PHEX: variants seen among roughly 807,000 people sequenced by gnomAD.
PHEX encodes the protein phosphate regulating endopeptidase X-linked.
A neutral mutation model predicts 68.0 loss-of-function variants in PHEX; 16 were observed. That is an observed-to-expected ratio of 0.24 (90% CI 0.16 to 0.36). PHEX has a LOEUF of 0.36. Ranked by LOEUF, PHEX falls within the 10% of genes least tolerant of loss-of-function variation. The probability of loss-of-function intolerance (pLI) is 1.00; values close to 1 mark genes in which losing one functional copy is unlikely to be tolerated. For missense variants in PHEX, 480 were observed against 575.5 expected (o/e 0.83, Z 1.70); for synonymous variants, 208 against 205.1 (o/e 1.01, Z -0.12).
intron 20 of PHEX, among the ~76,000 whole-genome samples, chrX:22,234,620 C>CA (rs1230367742): frequency 2.7e-5 from 3 of 109,847 alleles, no homozygotes; most frequent in Non-Finnish European, 5.7e-5. Context: ...CTTCCCCCCC[C>CA]AAGCTCAAGT....
intron 2 of PHEX, among the ~76,000 whole-genome samples, chrX:22,041,589 G>C (rs1482262109): frequency 9.1e-6 from 1 of 109,886 alleles, no homozygotes; most frequent in Non-Finnish European, 1.9e-5. Flanking sequence ...CCTGCTCCAG[G>C]CTTGAGTAGT....
chrX:22,188,024 G>C (rs1363506804), intron 14 of PHEX, among the ~76,000 whole-genome samples: 1 of 111,718 alleles, frequency 9.0e-6, no homozygotes, highest in Non-Finnish European at 1.9e-5. Flanking sequence ...TTAGGACATA[G>C]TAAGTGCTCA....
chrX:22,138,547 CTT>C (rs1491419073), intron 12 of PHEX, among the ~76,000 whole-genome samples: 1 of 111,855 alleles, frequency 8.9e-6, no homozygotes, highest in Admixed American at 9.4e-5. Flanking sequence ...CCCTTTCTCT[CTT>C]CCTCTGTGGT....
chrX:22,177,410 G>T (rs181621356), intron 13 of PHEX, among the ~76,000 whole-genome samples: 13 of 111,204 alleles, frequency 1.2e-4, no homozygotes, highest in African/African-American at 4.2e-4. Context: ...AGCATTGGAG[G>T]TCACTACAAA....
intron 12 of PHEX, among the ~76,000 whole-genome samples, chrX:22,159,474 C>T (rs774687867): frequency 3.0e-4 from 33 of 110,634 alleles, no homozygotes; most frequent in Non-Finnish European, 5.7e-4. Context: ...AGTGAGACCT[C>T]GTTCTCCACA....
chrX:22,215,988 AGC>A (rs1353106082), intron 16 of PHEX, among the ~76,000 whole-genome samples: 1 of 111,846 alleles, frequency 8.9e-6, no homozygotes. Flanking sequence ...AATAGATGGG[AGC>A]CATAGAAAAG....
intron 20 of PHEX, among the ~76,000 whole-genome samples, chrX:22,236,391 C>CCTAT (rs373637308): frequency 4.6e-3 from 521 of 112,950 alleles, no homozygotes; most frequent in African/African-American, 0.016. Context: ...CCTTACACTT[C>CCTAT]CTATCTCCAT....
chrX:22,108,048 C>G (rs930280775), intron 9 of PHEX, among the ~76,000 whole-genome samples: 2 of 111,551 alleles, frequency 1.8e-5, no homozygotes, highest in African/African-American at 6.5e-5. Context: ...CTTTACGTTC[C>G]TCATGGCATC....
At chrX:22,153,904 G>A (rs1346035797) in intron 12 of PHEX, among the ~76,000 whole-genome samples, 1 of 111,577 alleles carries the variant, frequency 9.0e-6, no homozygotes, top group Admixed American at 9.5e-5. Context: ...TAGATTTTGC[G>A]AAGTTACTGA....
Position 22,249,454 on chromosome X carries a change from AAATATATAT to A in PHEX, c.*1503_*1511del, listed in dbSNP as rs1359760672. 1.4e-3 allele frequency: 61 copies of A among 43,066 alleles called. 2 individuals are homozygous for A. The highest frequency in any genetic ancestry group is 4.9e-3 in the South Asian group (4 of 817). The allele number at this position is 43,066 out of a possible 1,213,427, so 3.5% of individuals were successfully genotyped here. A position where few individuals can be genotyped will look rare whatever the true frequency, so the allele number is the denominator to read the frequency against. On this transcript the variant is annotated 3_prime_UTR_variant, in exon 22 of 22. Coordinates refer to ENST00000379374, the MANE Select transcript of PHEX (RefSeq NM_000444.6). ...TTTGTGATTCTTTTAAAAAAAAAAAAAATATATATATATATATATATATATATATATATG... is the reference window on the plus strand; with the variant it reads ...TTTGTGATTCTTTTAAAAAAAAAAAAATATATATATATATATATATATATG...
At chrX:22,138,395 A>G (rs1012850475) in intron 12 of PHEX, among the ~76,000 whole-genome samples, 4 of 112,656 alleles carry the variant, frequency 3.6e-5, no homozygotes, top group African/African-American at 1.3e-4. Flanking sequence ...TCAGGCTCCT[A>G]GGAGAGAACA....
At chrX:22,171,559 T>C (rs948792206) in intron 13 of PHEX, 2 of 109,901 alleles carry the variant, frequency 1.8e-5, no homozygotes, top group African/African-American at 6.6e-5. Flanking sequence ...TAAGTGATGG[T>C]ACCATCACCT....
intron 13 of PHEX, among the ~76,000 whole-genome samples, chrX:22,169,432 T>A (rs1244868924): frequency 8.9e-6 from 1 of 112,477 alleles, no homozygotes; most frequent in East Asian, 2.8e-4. Context: ...GACATATTCA[T>A]GTACATTATC....
intron 20 of PHEX, among the ~76,000 whole-genome samples, chrX:22,236,049 G>C (rs1228181422): frequency 9.0e-6 from 1 of 111,496 alleles, no homozygotes; most frequent in African/African-American, 3.3e-5. Flanking sequence ...CTCAGCCTTA[G>C]TGGGGCAAGT....
chrX:22,079,694 CT>C (rs1453301342), intron 5 of PHEX, among the ~76,000 whole-genome samples: 1 of 111,258 alleles, frequency 9.0e-6, no homozygotes, highest in African/African-American at 3.3e-5. Context: ...AGGGATCCCC[CT>C]ATTTTTGTTT....
chrX:22,099,137 G>A lies in PHEX; in HGVS notation c.1065G>A (p.Gly355=). ...QYFKDLFRIL[G]SERKKTIANY... is the part of the protein sequence containing the mutation. ...TTAAAGATTTGTTTAGGATATTAGG[G>A]TCTGAGAGAAAGAAGTAAGAACTTT... Residue 355 remains glycine (G), a synonymous_variant, in exon 9 of 22, where the codon GGG becomes GGA. Coordinates refer to ENST00000379374, the MANE Select transcript of PHEX (RefSeq NM_000444.6). 1 of 1,209,033 alleles carries A rather than the reference G, an allele frequency of 8.3e-7. No homozygotes were observed. The highest frequency in any genetic ancestry group is 1.1e-6 in the Non-Finnish European group (1 of 893,131).
At chrX:22,239,956 A>T (rs1281371076) in intron 20 of PHEX, among the ~76,000 whole-genome samples, 2 of 111,840 alleles carry the variant, frequency 1.8e-5, no homozygotes, top group African/African-American at 6.5e-5. Flanking sequence ...ACCAAGGTTG[A>T]AATGAAGGAA....
intron 12 of PHEX, among the ~76,000 whole-genome samples, chrX:22,134,544 G>A (rs1386770710): frequency 2.7e-5 from 3 of 112,563 alleles, no homozygotes; most frequent in Non-Finnish European, 5.6e-5. Context: ...AGTGAGTTGA[G>A]ATCGTGCCAC....
chrX:22,077,607 A>G lies in PHEX; in HGVS notation c.568A>G (p.Thr190Ala). The change falls in exon 5 of 22, where the codon ACA becomes GCA. Residue 190 changes from threonine (T) to alanine (A), a missense_variant. Transcript: ENST00000379374. Reference protein sequence around the residue: ...WSERKFSLLQTLATFRGQYSN... With the variant: ...WSERKFSLLQALATFRGQYSN... ...AGAGAGAAAGTTCAGCCTTCTGCAG[A>G]CACTTGCAACGTTTCGTGGTCAATA... 1 of 1,210,901 alleles carries G rather than the reference A, an allele frequency of 8.3e-7. No homozygotes were observed. Among genetic ancestry groups the G allele is most frequent in the Non-Finnish European group, 1.1e-6 (1 of 894,824 alleles).
Sources: gnomAD v4.1 joint callset for allele counts (sites outside exome capture counted in the v4.1 genomes callset) on GRCh38, gnomAD v4.1.1 for gene constraint, MANE v1.5 for transcripts, NCBI Gene and HGNC (gene_info 2026-07-23, HGNC 2026-07-21) for gene names.